The following ZNF232 variants were observed in gnomAD, a reference collection of about 807,000 sequenced individuals.
The protein encoded by ZNF232 is zinc finger and SCAN domain-containing protein 11.
In ZNF232, 25 loss-of-function variants were observed where a neutral mutation model predicts 25.2. The observed-to-expected ratio is 0.99, with a 90% CI of 0.72 to 1.39. The LOEUF (loss-of-function observed/expected upper bound fraction) is 1.39. Ranked by LOEUF, ZNF232 falls within the 40% of genes most tolerant of loss-of-function variation. ZNF232 has a pLI of 0.00. For synonymous variants in ZNF232, 193 were observed against 182.9 expected (o/e 1.06, Z -0.45); for missense variants, 519 against 520.9 (o/e 1.00, Z 0.04).
chr17:5,109,907 T>C (rs79863755), intron 1 of ZNF232, 39 bp from the exon 2 acceptor site: 3 of 1,511,720 alleles, frequency 2.0e-6, no homozygotes, highest in Non-Finnish European at 2.7e-6. Context: ...TTTTTTTTTT[T>C]AAGACAGAGT....
intron 1 of ZNF232, chr17:5,121,754 AG>A (rs1445631903): frequency 1.9e-5 from 3 of 156,444 alleles, no homozygotes; most frequent in African/African-American, 7.2e-5. Context: ...ACGCTCAGTG[AG>A]TGTGCACCCG....
chr17:5,111,837 G>T (rs1223034227), exon 1 of ZNF232: 10 of 1,613,730 alleles, frequency 6.2e-6, no homozygotes, highest in African/African-American at 1.3e-5. Context: ...GCGCTGCCGC[G>T]AATCGCGCCA....
chr17:5,117,256 G>C (rs1300273650), intron 1 of ZNF232, among the ~76,000 whole-genome samples: 1 of 152,216 alleles, frequency 6.6e-6, no homozygotes, highest in Non-Finnish European at 1.5e-5. Context: ...GGGGGCTCAA[G>C]CCTCTAATCC....
exon 2 of ZNF232, chr17:5,109,599 C>T (rs766037010): frequency 1.2e-6 from 2 of 1,614,246 alleles, no homozygotes; most frequent in East Asian, 2.2e-5. Context: ...TCGTAGTTGG[C>T]TCAAGGCCTC....
At chr17:5,109,818 T>G in exon 2 of ZNF232, 1 of 1,614,110 alleles carries the variant, frequency 6.2e-7, no homozygotes, top group South Asian at 1.1e-5. Context: ...CATCCTAGTC[T>G]GCACTAGCTC....
chr17:5,112,092 C>T, upstream of ZNF232: 1 of 561,376 alleles, frequency 1.8e-6, no homozygotes, highest in Non-Finnish European at 3.1e-6. Flanking sequence ...GAATTGCAGT[C>T]CTTGCGCAGG....
At chr17:5,119,346 A>G (rs1235830995) in intron 1 of ZNF232, among the ~76,000 whole-genome samples, 6 of 152,228 alleles carry the variant, frequency 3.9e-5, no homozygotes, top group Non-Finnish European at 8.8e-5. Flanking sequence ...GGACATTACT[A>G]CATTAGCTTC....
upstream of ZNF232, chr17:5,113,389 A>G (rs529584084): frequency 6.6e-6 from 1 of 152,388 alleles, no homozygotes; most frequent in Admixed American, 6.5e-5. Flanking sequence ...TTTACAGATG[A>G]GAAAACTCAA....
At chr17:5,106,745 A>G (rs1012475085) in intron 3 of ZNF232, among the ~76,000 whole-genome samples, 3 of 152,170 alleles carry the variant, frequency 2.0e-5, no homozygotes, top group African/African-American at 7.2e-5. Flanking sequence ...TAATTTCTCC[A>G]TAATGAAACA....
exon 4 of ZNF232, chr17:5,106,095 C>A: frequency 6.2e-7 from 1 of 1,614,196 alleles, no homozygotes; most frequent in Non-Finnish European, 8.5e-7. Flanking sequence ...GGGTTTCTCT[C>A]CTGTATGAAT....
chr17:5,114,007 A>C (rs979232555), upstream of ZNF232: 1 of 152,260 alleles, frequency 6.6e-6, no homozygotes, highest in Admixed American at 6.5e-5. Context: ...ACATATCTGC[A>C]CATGACCTGA....
chr17:5,105,977 C>A (rs767176364), exon 4 of ZNF232: 6 of 1,614,012 alleles, frequency 3.7e-6, no homozygotes, highest in Non-Finnish European at 4.2e-6. Context: ...GACTAAAGGC[C>A]TTCCCACACT....
chr17:5,116,158 G>A (rs1050543732), upstream of ZNF232, among the ~76,000 whole-genome samples: 1 of 152,324 alleles, frequency 6.6e-6, no homozygotes, highest in Non-Finnish European at 1.5e-5. Context: ...TGGCGGCCGC[G>A]CCCATGCTGT....
chr17:5,109,093 A>G, intron 2 of ZNF232, 41 bp from the exon 3 acceptor site: 2 of 1,612,912 alleles, frequency 1.2e-6, no homozygotes, highest in Non-Finnish European at 1.7e-6. Flanking sequence ...ATTTTCTTCA[A>G]ATTACTAGTG....
upstream of ZNF232, among the ~76,000 whole-genome samples, chr17:5,115,576 A>ACACACACACACACACACACACAC (rs1555584331): frequency 2.7e-5 from 4 of 150,732 alleles, no homozygotes; most frequent in African/African-American, 7.4e-5. Flanking sequence ...ACACACACAC[A>ACACACACACACACACACACACAC]AAACCCAAAA....
At chr17:5,122,819 A>G (rs554884281) in intron 1 of ZNF232, among the ~76,000 whole-genome samples, 9 of 152,256 alleles carry the variant, frequency 5.9e-5, no homozygotes, top group African/African-American at 1.7e-4. Context: ...GGGCGCGGAG[A>G]GCGCACTGAG....
chr17:5,115,520 C>T (rs143987282), upstream of ZNF232, among the ~76,000 whole-genome samples: 3 of 149,958 alleles, frequency 2.0e-5, no homozygotes, highest in East Asian at 2.0e-4. Context: ...CACTGCACTC[C>T]GGCTTGGGCA....
intron 1 of ZNF232, 91 bp from the exon 2 acceptor site, chr17:5,109,959 A>C: frequency 1.5e-5 from 19 of 1,253,430 alleles, no homozygotes; most frequent in Non-Finnish European, 1.9e-5. Context: ...ACATGATCTC[A>C]GCTCACTGCA....
chr17:5,119,645 T>C (rs572228490), intron 1 of ZNF232, among the ~76,000 whole-genome samples: 8 of 152,316 alleles, frequency 5.3e-5, no homozygotes, highest in African/African-American at 1.4e-4. Context: ...CATTTGTCCC[T>C]TGAGGCTCAG....
Sources: gnomAD v4.1 joint callset for allele counts (sites outside exome capture counted in the v4.1 genomes callset) on GRCh38, gnomAD v4.1.1 for gene constraint, MANE v1.5 for transcripts, NCBI Gene and HGNC (gene_info 2026-07-23, HGNC 2026-07-21) for gene names.